The following GSG1L variants were observed in gnomAD, a reference collection of about 807,000 sequenced individuals.
GSG1L encodes GSG1 like, also known as germ cell-specific gene 1-like protein.
In GSG1L, 24 loss-of-function variants were observed where a neutral mutation model predicts 42.1. The ratio of observed to expected loss-of-function variants is 0.57; its 90% confidence interval spans 0.41 to 0.80. GSG1L has a LOEUF of 0.80. Among genes scored for constraint, GSG1L ranks in the 30% least tolerant of loss-of-function variants. The pLI is 0.00. For missense variants in GSG1L, 445 were observed against 472.2 expected, an observed-to-expected ratio of 0.94 and a Z score of 0.53; for synonymous variants, 215 against 203.5, an observed-to-expected ratio of 1.06 and a Z score of -0.48.
chr16:27,955,465 G>C (rs2084992451), intron 2 of GSG1L, among the ~76,000 whole-genome samples: 1 of 151,976 alleles, frequency 6.6e-6, no homozygotes, highest in South Asian at 2.1e-4. Context: ...TTCCAGAGAG[G>C]GGAAAAAATC....
chr16:27,967,459 T>C (rs1322386073), intron 1 of GSG1L, among the ~76,000 whole-genome samples: 1 of 152,188 alleles, frequency 6.6e-6, no homozygotes, highest in African/African-American at 2.4e-5. Flanking sequence ...TGCCCCCGCC[T>C]TGTGCTCCGT....
chr16:27,967,018 T>C (rs530589850), intron 1 of GSG1L, among the ~76,000 whole-genome samples: 5 of 152,228 alleles, frequency 3.3e-5, no homozygotes, highest in Admixed American at 1.3e-4. Context: ...AGATGGCCCC[T>C]GCGACACTAG....
intron 5 of GSG1L, among the ~76,000 whole-genome samples, chr16:27,815,518 A>G (rs2083085353): frequency 6.6e-6 from 1 of 152,168 alleles, no homozygotes; most frequent in South Asian, 2.1e-4. Flanking sequence ...GAAACAGACT[A>G]ACACACCCAT....
intron 4 of GSG1L, among the ~76,000 whole-genome samples, chr16:27,844,357 C>T (rs1233170532): frequency 6.6e-6 from 1 of 152,188 alleles, no homozygotes; most frequent in Non-Finnish European, 1.5e-5. Context: ...TTCAGAGCCC[C>T]TCACTGGAGT....
intron 5 of GSG1L, among the ~76,000 whole-genome samples, chr16:27,825,285 G>A (rs772364485): frequency 8.5e-5 from 13 of 152,194 alleles, no homozygotes; most frequent in Non-Finnish European, 1.2e-4. Context: ...TGGGAAACAA[G>A]ACGGCATAGG....
intron 2 of GSG1L, among the ~76,000 whole-genome samples, chr16:27,920,470 T>G (rs866440276): frequency 1.6e-4 from 24 of 152,240 alleles, no homozygotes; most frequent in African/African-American, 5.8e-4. Flanking sequence ...CAGTGCCTTC[T>G]GTCCTCCACC....
chr16:27,906,699 C>T (rs1160326162), intron 2 of GSG1L, among the ~76,000 whole-genome samples: 1 of 152,206 alleles, frequency 6.6e-6, no homozygotes, highest in African/African-American at 2.4e-5. Flanking sequence ...CATCCACCTA[C>T]CCAACCTTCT....
rs372139750 is a variant in GSG1L at position 27,977,985 on chromosome 16, G to A, written c.350-14782C>T. On this transcript the variant is annotated intron_variant, in intron 1 of 6. Coordinates refer to ENST00000447459, the MANE Select transcript of GSG1L (RefSeq NM_001109763.2). The stretch of plus-strand genomic sequence containing the variant: ...CAGGAGGCCCTGACCTCCCCTCACC[G>A]CTAGCCCCTCTGAGTTACTGTCTCC... Among the ~76,000 whole-genome samples, 99 of 152,300 alleles carry A rather than the reference G, an allele frequency of 6.5e-4. 2 individuals carry two copies. The South Asian group carries it at 0.011, about 17-fold the overall frequency.
intron 5 of GSG1L, among the ~76,000 whole-genome samples, chr16:27,817,933 G>C (rs976910334): frequency 5.3e-5 from 8 of 152,156 alleles, no homozygotes; most frequent in South Asian, 2.1e-4. Context: ...TATGACTGGG[G>C]CTGCACCTGC....
intron 6 of GSG1L, among the ~76,000 whole-genome samples, chr16:27,795,897 G>A (rs963832617): frequency 6.6e-6 from 1 of 152,102 alleles, no homozygotes; most frequent in African/African-American, 2.4e-5. Context: ...ACCAAGATCC[G>A]GGAATCAGAC....
chr16:27,999,096 C>G (rs371061208), intron 1 of GSG1L, among the ~76,000 whole-genome samples: 33 of 152,294 alleles, frequency 2.2e-4, no homozygotes, highest in African/African-American at 7.9e-4. Context: ...TTCAACCACA[C>G]GTCCCCACCA....
Position 27,814,688 on chromosome 16 carries a change from G to GA in GSG1L, c.831-7135dup, listed in dbSNP as rs750992732. Among the ~76,000 whole-genome samples, 552 of 94,308 alleles carry GA rather than the reference G, an allele frequency of 5.9e-3. 3 individuals carry two copies. Among genetic ancestry groups the GA allele is most frequent in the East Asian group, 1.0e-2 (30 of 3,014 alleles). The allele number at this position is 94,308 out of a possible 152,430, so 61.9% of individuals were successfully genotyped here. On this transcript the variant is annotated intron_variant, in intron 5 of 6. Coordinates refer to ENST00000447459, the MANE Select transcript of GSG1L (RefSeq NM_001109763.2). ...TGACAGAGGGAGAACCCGTCTCAAG[G>GA]AAAAAAAAAAAAAAAAAAAGGAAGG...
At chr16:27,806,544 T>C (rs1679031587) in intron 6 of GSG1L, among the ~76,000 whole-genome samples, 2 of 152,154 alleles carry the variant, frequency 1.3e-5, no homozygotes, top group Non-Finnish European at 2.9e-5. Flanking sequence ...CTGATGATCA[T>C]TGACTCTTTA....
At chr16:27,995,421 A>T (rs375032681) in intron 1 of GSG1L, among the ~76,000 whole-genome samples, 2 of 152,306 alleles carry the variant, frequency 1.3e-5, no homozygotes, top group East Asian at 3.9e-4. Flanking sequence ...AAATGAAACA[A>T]CTGGAGATAT....
intron 3 of GSG1L, among the ~76,000 whole-genome samples, chr16:27,854,884 C>T (rs1413541364): frequency 1.3e-5 from 2 of 152,130 alleles, no homozygotes; most frequent in African/African-American, 2.4e-5. Context: ...TCCAGGAGAG[C>T]GGGGAAAGCC....
At chr16:27,893,463 T>C (rs2084153087) in intron 2 of GSG1L, among the ~76,000 whole-genome samples, 1 of 152,178 alleles carries the variant, frequency 6.6e-6, no homozygotes, top group Non-Finnish European at 1.5e-5. Context: ...TTGCACGCAG[T>C]AAATGAGACA....
At chr16:27,956,202 C>T (rs1323073672) in intron 2 of GSG1L, among the ~76,000 whole-genome samples, 1 of 152,084 alleles carries the variant, frequency 6.6e-6, no homozygotes, top group African/African-American at 2.4e-5. Context: ...AGAAAGTTGG[C>T]CAAAGTCTGT....
At chr16:27,852,583 C>T (rs1461092387) in intron 3 of GSG1L, among the ~76,000 whole-genome samples, 1 of 152,010 alleles carries the variant, frequency 6.6e-6, no homozygotes, top group East Asian at 1.9e-4. Flanking sequence ...CCAGCAGAAA[C>T]CCACAGGCAA....
intron 2 of GSG1L, among the ~76,000 whole-genome samples, chr16:27,902,426 C>T (rs1160014090): frequency 3.9e-5 from 6 of 152,158 alleles, no homozygotes; most frequent in Non-Finnish European, 8.8e-5. Context: ...GAAGCTGATT[C>T]CGCAGAGAGG....
Sources: allele counts gnomAD v4.1 joint callset (sites outside exome capture counted in the v4.1 genomes callset), GRCh38; gene constraint gnomAD v4.1.1; transcripts MANE v1.5; gene names NCBI Gene and HGNC (gene_info 2026-07-23, HGNC 2026-07-21).